Variants in PRDM11 observed in about 807,000 individuals in gnomAD.
PRDM11 encodes the protein PR/SET domain 11.
Under a neutral mutation model 97.8 loss-of-function variants are expected in PRDM11, and 20 were observed. That is an observed-to-expected ratio of 0.20 (90% CI 0.14 to 0.30). PRDM11 has a LOEUF of 0.30. Among genes scored for constraint, PRDM11 ranks in the 10% least tolerant of loss-of-function variants. PRDM11 has a pLI of 1.00. For synonymous variants in PRDM11, 599 were observed against 637.7 expected, an observed-to-expected ratio of 0.94 and a Z score of 0.91; for missense variants, 1,139 against 1,555.2, an observed-to-expected ratio of 0.73 and a Z score of 4.50.
Position 45,228,840 on chromosome 11 carries a change from C to G in PRDM11, c.*681C>G, listed in dbSNP as rs1418690709. On this transcript the variant is annotated 3_prime_UTR_variant, in exon 8 of 8. Coordinates refer to ENST00000683152, the MANE Select transcript of PRDM11 (RefSeq NM_001384648.1). The stretch of plus-strand genomic sequence containing the variant: ...CGGTCAAACTGTGACACTGCCACAC[C>G]TCACCTCTGTTGCCTCGTCCATCCC... 6 of 152,216 alleles carry G rather than the reference C, an allele frequency of 3.9e-5. No homozygotes were observed. Among genetic ancestry groups the G allele is most frequent in the Non-Finnish European group, 8.8e-5 (6 of 68,076 alleles). 9.4% of individuals were successfully genotyped at this position (152,216 alleles called of 1,614,324 possible). A position where few individuals can be genotyped will look rare whatever the true frequency, so the allele number is the denominator to read the frequency against.
intron 1 of PRDM11, among the ~76,000 whole-genome samples, chr11:45,115,981 A>G (rs1852294808): frequency 6.6e-6 from 1 of 152,102 alleles, no homozygotes; most frequent in Non-Finnish European, 1.5e-5. Flanking sequence ...TGATATTATT[A>G]TCAGGTTAAA....
Position 45,194,592 on chromosome 11 carries a change from G to GTTTTT in PRDM11, c.487-10099_487-10095dup, listed in dbSNP as rs869144098. Among the ~76,000 whole-genome samples the GTTTTT allele has an allele frequency of 5.2e-4, 37 of 70,890 alleles. 1 individual carries two copies. The highest frequency in any genetic ancestry group is 1.5e-3 in the African/African-American group (31 of 20,278). The allele number at this position is 70,890 out of a possible 152,430, so 46.5% of individuals were successfully genotyped here. A position where few individuals can be genotyped will look rare whatever the true frequency, so the allele number is the denominator to read the frequency against. On this transcript the variant is annotated intron_variant, in intron 4 of 7. Transcript: ENST00000683152. ...TACTGTGGGATAGTTATTATCTTCTGTTTTTTTTTTTTTTTTTTTTTTTTG... is the reference window on the plus strand; with the variant it reads ...TACTGTGGGATAGTTATTATCTTCTGTTTTTTTTTTTTTTTTTTTTTTTTTTTTTG...
chr11:45,224,332 C>A lies in PRDM11; in HGVS notation c.858C>A (p.Gly286=), dbSNP rs746426679. The A allele has an allele frequency of 2.5e-6, 4 of 1,614,126 alleles. No homozygotes were observed. The highest frequency in any genetic ancestry group is 3.4e-6 in the Non-Finnish European group (4 of 1,180,036). ...LRQGKSPYKR[G]FDEGDVHPQA... is the part of the protein sequence containing the mutation. Reference sequence around the variant, plus strand: ...AGGGCAAAAGTCCCTACAAGCGTGGCTTTGATGAGGGGGATGTACACCCCC... The same window carrying A: ...AGGGCAAAAGTCCCTACAAGCGTGGATTTGATGAGGGGGATGTACACCCCC... The change falls in exon 7 of 8, where the codon GGC becomes GGA. Residue 286 remains glycine, a synonymous_variant. Coordinates refer to ENST00000683152, the MANE Select transcript of PRDM11 (RefSeq NM_001384648.1).
intron 1 of PRDM11, among the ~76,000 whole-genome samples, chr11:45,174,970 C>T (rs1026751610): frequency 1.3e-5 from 2 of 152,180 alleles, no homozygotes; most frequent in Non-Finnish European, 2.9e-5. Context: ...TCATAGCTTT[C>T]ATTAACAAAA....
At chr11:45,185,079 G>A (rs1341305160) in intron 4 of PRDM11, among the ~76,000 whole-genome samples, 1 of 152,198 alleles carries the variant, frequency 6.6e-6, no homozygotes, top group East Asian at 1.9e-4. Context: ...AGTGCCAAGT[G>A]CTGCTGAGAA....
chr11:45,167,637 A>G (rs752340233), intron 1 of PRDM11, among the ~76,000 whole-genome samples: 2 of 152,130 alleles, frequency 1.3e-5, no homozygotes, highest in Non-Finnish European at 2.9e-5. Flanking sequence ...TTAATTACCT[A>G]TATCACTAGC....
At chr11:45,160,590 A>G (rs1192887966) in intron 1 of PRDM11, among the ~76,000 whole-genome samples, 1 of 152,236 alleles carries the variant, frequency 6.6e-6, no homozygotes, top group Non-Finnish European at 1.5e-5. Flanking sequence ...TTAACATTGT[A>G]TCTGGGAAAT....
rs150004791 is a variant in PRDM11 at position 45,148,169 on chromosome 11, C to G, written c.-7+1292C>G. On this transcript the variant is annotated intron_variant, in intron 1 of 7. Coordinates refer to ENST00000683152, the MANE Select transcript of PRDM11 (RefSeq NM_001384648.1). ...TCTATAGGGCACGTGTAGAAACCTT[C>G]CCTTCTGGGAATAGAGCCCAGACCT... Among the ~76,000 whole-genome samples the G allele has an allele frequency of 6.1e-3, 929 of 152,248 alleles. 11 individuals are homozygous for G. The highest frequency in any genetic ancestry group is 0.021 in the African/African-American group (882 of 41,532).
intron 1 of PRDM11, among the ~76,000 whole-genome samples, chr11:45,175,915 C>G (rs969047374): frequency 6.6e-6 from 1 of 152,122 alleles, no homozygotes; most frequent in African/African-American, 2.4e-5. Flanking sequence ...GTATTAATGT[C>G]TTCATGGTTT....
At chr11:45,179,026 T>C (rs1590409206) in intron 1 of PRDM11, among the ~76,000 whole-genome samples, 1 of 152,064 alleles carries the variant, frequency 6.6e-6, no homozygotes, top group African/African-American at 2.4e-5. Context: ...AGGGGGGCAG[T>C]GAGGTCTGAA....
At position 45,229,210 on chromosome 11, in the gene PRDM11, T is replaced by A. The variant is rs1854348540; in HGVS notation, c.*1051T>A. 6.6e-6 allele frequency: 1 copy of A among 152,216 alleles called. No homozygotes were observed. The highest frequency in any genetic ancestry group is 1.5e-5 in the Non-Finnish European group (1 of 68,040). 9.4% of individuals were successfully genotyped at this position (152,216 alleles called of 1,614,324 possible). A position where few individuals can be genotyped will look rare whatever the true frequency, so the allele number is the denominator to read the frequency against. On this transcript the variant is annotated 3_prime_UTR_variant, in exon 8 of 8. Transcript: ENST00000683152. ...GTTGAGGGTATTTTTTTTCCTTTAA[T>A]AATCAAGAAATGCCTGCTATAGTTC...
chr11:45,182,154 G>A, intron 2 of PRDM11, 92 bp from the exon 3 acceptor site: 1 of 1,132,102 alleles, frequency 8.8e-7, no homozygotes, highest in Non-Finnish European at 1.3e-6. Flanking sequence ...CATCTTCTCG[G>A]TCTCCTGGCC....
intron 5 of PRDM11, chr11:45,213,841 C>T (rs957820709): frequency 7.2e-6 from 3 of 416,624 alleles, no homozygotes; most frequent in East Asian, 7.2e-5. Context: ...GTTTTCCCAG[C>T]TCCCCTGTCA....
Position 45,154,761 on chromosome 11 carries a change from G to T in PRDM11, c.-7+7884G>T, listed in dbSNP as rs181010441. Among the ~76,000 whole-genome samples, 81 of 152,300 alleles carry T rather than the reference G, an allele frequency of 5.3e-4. 1 individual carries two copies. The highest frequency in any genetic ancestry group is 1.9e-3 in the African/African-American group (78 of 41,568). ...GATCCCTGATCACTAGCCCAGGCAGGTTGGCTCTTAAAACCCCCATTTTAT... is the reference window on the plus strand; with the variant it reads ...GATCCCTGATCACTAGCCCAGGCAGTTTGGCTCTTAAAACCCCCATTTTAT... On this transcript the variant is annotated intron_variant, in intron 1 of 7. Coordinates refer to ENST00000683152, the MANE Select transcript of PRDM11 (RefSeq NM_001384648.1).
In PRDM11 at chr11:45,233,546, G is replaced by GA. The variant is rs1854441481; in HGVS notation, c.*5387_*5388insA. 6.6e-6 allele frequency: 1 copy of GA among 152,240 alleles called. No individual in the cohort carries two copies. The highest frequency in any genetic ancestry group is 1.5e-5 in the Non-Finnish European group (1 of 68,070). The allele number at this position is 152,240 out of a possible 1,614,324, so 9.4% of individuals were successfully genotyped here. On this transcript the variant is annotated 3_prime_UTR_variant, in exon 8 of 8. Transcript: ENST00000683152. The stretch of plus-strand genomic sequence containing the variant: ...CCCGCACCAGGACTGAGCAGCGTCA[G>GA]TGGCAATAGGAAAGGTCCAAACTGG...
chr11:45,178,526 G>C (rs1333592449), intron 1 of PRDM11, among the ~76,000 whole-genome samples: 1 of 152,206 alleles, frequency 6.6e-6, no homozygotes, highest in African/African-American at 2.4e-5. Context: ...CACTGGAAGA[G>C]AGCTCCATAG....
In PRDM11 at chr11:45,213,533, G is replaced by A. The variant is rs563066971; in HGVS notation, c.555-6037G>A. 5.0e-5 allele frequency: 23 copies of A among 456,462 alleles called. No individual in the cohort carries two copies. The East Asian group carries it at 6.3e-4, about 12-fold the overall frequency. The allele number at this position is 456,462 out of a possible 1,614,324, so 28.3% of individuals were successfully genotyped here. On this transcript the variant is annotated intron_variant, in intron 5 of 7. Coordinates refer to ENST00000683152, the MANE Select transcript of PRDM11 (RefSeq NM_001384648.1). ...CCTCCCTTGCCCGGGGGTGGTGCCCGCCTTGGCCCTCCGCTTGCCCTTGTG... is the reference window on the plus strand; with the variant it reads ...CCTCCCTTGCCCGGGGGTGGTGCCCACCTTGGCCCTCCGCTTGCCCTTGTG...
chr11:45,221,380 T>G (rs1463629935), intron 6 of PRDM11, among the ~76,000 whole-genome samples: 1 of 152,056 alleles, frequency 6.6e-6, no homozygotes, highest in African/African-American at 2.4e-5. Context: ...TAAGTCTTTG[T>G]TGAATGGATA....
intron 1 of PRDM11, among the ~76,000 whole-genome samples, chr11:45,104,049 A>C (rs1178680095): frequency 6.6e-6 from 1 of 152,160 alleles, no homozygotes; most frequent in Non-Finnish European, 1.5e-5. Context: ...GCTCTAGATG[A>C]TCTAATTCCG....
Sources: gnomAD v4.1 joint callset for allele counts (sites outside exome capture counted in the v4.1 genomes callset) on GRCh38, gnomAD v4.1.1 for gene constraint, MANE v1.5 for transcripts, NCBI Gene and HGNC (gene_info 2026-07-23, HGNC 2026-07-21) for gene names.